CCDC38: variants seen among roughly 807,000 people sequenced by gnomAD.
CCDC38 encodes coiled-coil domain-containing protein 38.
In CCDC38, 69 loss-of-function variants were observed where a neutral mutation model predicts 72.8. The observed-to-expected ratio is 0.95, with a 90% CI of 0.78 to 1.16. The LOEUF (loss-of-function observed/expected upper bound fraction) is 1.16. Ranked by LOEUF, CCDC38 falls within the 50% of genes most tolerant of loss-of-function variation. CCDC38 has a pLI of 0.00. For synonymous variants in CCDC38, 201 were observed against 213.2 expected (o/e 0.94, Z 0.50); for missense variants, 626 against 638.9 (o/e 0.98, Z 0.22).
intron 5 of CCDC38, among the ~76,000 whole-genome samples, chr12:95,900,766 C>T (rs2079942194): frequency 6.6e-6 from 1 of 151,962 alleles, no homozygotes; most frequent in African/African-American, 2.4e-5. Flanking sequence ...TATATGTTCT[C>T]AAAAAAATCC....
At chr12:95,935,774 A>G (rs1195277626) in intron 2 of CCDC38, among the ~76,000 whole-genome samples, 1 of 152,202 alleles carries the variant, frequency 6.6e-6, no homozygotes, top group African/African-American at 2.4e-5. Context: ...AATTCCTTGT[A>G]TGCTCATAAA....
intron 2 of CCDC38, among the ~76,000 whole-genome samples, chr12:95,922,013 T>A (rs1358303616): frequency 2.0e-5 from 3 of 152,198 alleles, no homozygotes; most frequent in Non-Finnish European, 2.9e-5. Context: ...CATCCAGGAC[T>A]AAGAGCTAGT....
chr12:95,921,688 C>T (rs773592969), intron 2 of CCDC38, among the ~76,000 whole-genome samples: 54 of 152,004 alleles, frequency 3.6e-4, no homozygotes, highest in Admixed American at 3.1e-3. Context: ...TGGGTAGGGA[C>T]ACAGAGCCAA....
chr12:95,904,132 C>A (rs1488398010), intron 5 of CCDC38, among the ~76,000 whole-genome samples: 1 of 152,076 alleles, frequency 6.6e-6, no homozygotes, highest in Non-Finnish European at 1.5e-5. Context: ...GAATCTATTT[C>A]ATCTAAGTTG....
At chr12:95,931,822 C>A (rs2080341579) in intron 2 of CCDC38, among the ~76,000 whole-genome samples, 1 of 152,030 alleles carries the variant, frequency 6.6e-6, no homozygotes, top group African/African-American at 2.4e-5. Flanking sequence ...CTGGGGTGAA[C>A]AATTTTAAGT....
At chr12:95,897,425 G>A (rs897038493) in intron 7 of CCDC38, among the ~76,000 whole-genome samples, 8 of 151,840 alleles carry the variant, frequency 5.3e-5, no homozygotes, top group Admixed American at 3.3e-4. Flanking sequence ...CTTGGCTAAC[G>A]TGGTGAAACC....
intron 8 of CCDC38, among the ~76,000 whole-genome samples, chr12:95,892,744 A>G (rs1039618294): frequency 6.6e-6 from 1 of 151,030 alleles, no homozygotes; most frequent in Non-Finnish European, 1.5e-5. Context: ...TAATTTTTGT[A>G]TTTTTTAGTA....
intron 2 of CCDC38, among the ~76,000 whole-genome samples, chr12:95,925,718 A>G (rs1285538618): frequency 6.6e-6 from 1 of 152,068 alleles, no homozygotes; most frequent in Non-Finnish European, 1.5e-5. Context: ...ACGTCCCATC[A>G]ATACCTAATT....
chr12:95,892,858 C>G (rs1262351181), intron 8 of CCDC38, among the ~76,000 whole-genome samples: 1 of 152,118 alleles, frequency 6.6e-6, no homozygotes, highest in African/African-American at 2.4e-5. Context: ...CATGAGCCAC[C>G]ACACCCGGAC....
chr12:95,917,059 C>T (rs2080151900), intron 4 of CCDC38, 70 bp downstream of exon 4: 1 of 1,316,706 alleles, frequency 7.6e-7, no homozygotes, highest in Non-Finnish European at 1.0e-6. Flanking sequence ...CACCCTCCAA[C>T]AAAGCTCCCA....
chr12:95,874,626 C>T (rs1432967130), intron 13 of CCDC38, among the ~76,000 whole-genome samples: 1 of 152,226 alleles, frequency 6.6e-6, no homozygotes, highest in Non-Finnish European at 1.5e-5. Context: ...GTTTCAGCCC[C>T]ATCCCTGGAA....
chr12:95,879,706 G>A lies in CCDC38; in HGVS notation c.1080C>T (p.Ser360=), dbSNP rs753285553. 2 of 1,607,440 alleles carry A rather than the reference G, an allele frequency of 1.2e-6. No homozygotes were observed. The highest frequency in any genetic ancestry group is 2.2e-5 in the South Asian group (2 of 90,650). The change falls in exon 12 of 16, where the codon TCC becomes TCT. Residue 360 remains serine (S), a synonymous_variant. Transcript: ENST00000344280. This position sits in a 1 kb window ranked among gnomAD's most constrained non-coding sequence, Gnocchi z 5.5. ...CTTCAAGATTTTCATCTACATCTTG[G>A]GAATATTGAAACAAAGTAAGATTCT... The part of the protein sequence containing the change: ...EEQNLTLFQY[S]QDVDENLEEV...
chr12:95,890,228 T>A (rs1469435892), intron 9 of CCDC38, among the ~76,000 whole-genome samples: 1 of 152,200 alleles, frequency 6.6e-6, no homozygotes, highest in Non-Finnish European at 1.5e-5. Flanking sequence ...TGCTGATTTT[T>A]AAACATTGGC....
chr12:95,880,019 T>G (rs1468446623), intron 11 of CCDC38: 1 of 306,744 alleles, frequency 3.3e-6, no homozygotes, highest in Admixed American at 4.9e-5. Context: ...AAAAAAGGGA[T>G]GGGGAAGAAA....
intron 4 of CCDC38, among the ~76,000 whole-genome samples, chr12:95,911,719 A>G (rs2080096582): frequency 6.6e-6 from 1 of 152,210 alleles, no homozygotes; most frequent in South Asian, 2.1e-4. Flanking sequence ...AAAATAACAG[A>G]TGACTAGGTT....
intron 13 of CCDC38, among the ~76,000 whole-genome samples, chr12:95,877,560 A>G (rs968992647): frequency 6.6e-6 from 1 of 152,172 alleles, no homozygotes; most frequent in African/African-American, 2.4e-5. Context: ...TCAATGTTAG[A>G]TGGAGCTGGT....
intron 5 of CCDC38, among the ~76,000 whole-genome samples, chr12:95,904,367 G>T (rs147811836): frequency 6.6e-6 from 1 of 152,178 alleles, no homozygotes; most frequent in African/African-American, 2.4e-5. Flanking sequence ...GACACTGACC[G>T]CAAGTTTGAG....
chr12:95,883,909 C>G lies in CCDC38; in HGVS notation c.921-2355G>C, dbSNP rs558555755. 3.3e-5 allele frequency among the ~76,000 whole-genome samples: 5 copies of G among 152,292 alleles called. No homozygotes were observed. The South Asian group carries it at 1.0e-3, about 32-fold the overall frequency. ...TTCAACACTCATTTTGATAAAAACT[C>G]TCAGGAAAACTGGAACAGAGAAGAA... On this transcript the variant is annotated intron_variant, in intron 10 of 15. Coordinates refer to ENST00000344280, the MANE Select transcript of CCDC38 (RefSeq NM_182496.3).
intron 4 of CCDC38, among the ~76,000 whole-genome samples, chr12:95,910,061 G>T (rs1358416047): frequency 6.6e-6 from 1 of 152,090 alleles, no homozygotes; most frequent in East Asian, 1.9e-4. Flanking sequence ...GGGCAATCCA[G>T]CAAGAGAAAG....
Sources: gnomAD v4.1 joint callset for allele counts (sites outside exome capture counted in the v4.1 genomes callset) on GRCh38, gnomAD v4.1.1 for gene constraint, Gnocchi (gnomAD v3.1) non-coding constraint, MANE v1.5 for transcripts, NCBI Gene and HGNC (gene_info 2026-07-23, HGNC 2026-07-21) for gene names.